Variants in TMEM50B observed in about 807,000 individuals in gnomAD.
The protein encoded by TMEM50B is transmembrane protein 50B.
A neutral mutation model predicts 23.4 loss-of-function variants in TMEM50B; 14 were observed. That is an observed-to-expected ratio of 0.60 (90% CI 0.39 to 0.93). The LOEUF (loss-of-function observed/expected upper bound fraction) is 0.93, where lower values mean the gene tolerates loss of function less well. Ranked by LOEUF, TMEM50B falls within the 40% of genes least tolerant of loss-of-function variation. The pLI is 0.00. For missense variants in TMEM50B, 159 were observed against 193.0 expected, an observed-to-expected ratio of 0.82 and a Z score of 1.04; for synonymous variants, 64 against 62.3, an observed-to-expected ratio of 1.03 and a Z score of -0.13.
intron 7 of TMEM50B, among the ~76,000 whole-genome samples, chr21:33,443,923 CAG>C (rs2123399917): frequency 6.6e-6 from 1 of 152,082 alleles, no homozygotes; most frequent in Admixed American, 6.5e-5. Flanking sequence ...TGTTTTTTTA[CAG>C]AGTTTCGCTC....
intron 4 of TMEM50B, among the ~76,000 whole-genome samples, chr21:33,464,188 T>G (rs1162559341): frequency 6.9e-6 from 1 of 144,700 alleles, no homozygotes; most frequent in Non-Finnish European, 1.5e-5. Flanking sequence ...TTCTTCATAT[T>G]ATAATGTAAA....
chr21:33,474,912 C>A (rs2084353989), intron 1 of TMEM50B, among the ~76,000 whole-genome samples: 1 of 146,796 alleles, frequency 6.8e-6, no homozygotes, highest in South Asian at 2.2e-4. Context: ...GAAAAAAATG[C>A]AAACATTTTG....
chr21:33,451,739 G>C (rs1385364647), intron 6 of TMEM50B, among the ~76,000 whole-genome samples: 1 of 152,108 alleles, frequency 6.6e-6, no homozygotes, highest in Non-Finnish European at 1.5e-5. Context: ...GGCCTGGAAA[G>C]GGACATCTGT....
intron 5 of TMEM50B, chr21:33,456,238 G>C: frequency 5.1e-6 from 2 of 390,534 alleles, no homozygotes; most frequent in Admixed American, 6.7e-5. Context: ...GCCCAGACTG[G>C]AGTGCAGCAG....
In TMEM50B at chr21:33,449,498, G is replaced by A. The variant is rs1410283170; in HGVS notation, c.*1320C>T. The A allele has an allele frequency of 6.6e-6, 1 of 152,472 alleles. No individual in the cohort carries two copies. The highest frequency in any genetic ancestry group is 2.4e-5 in the African/African-American group (1 of 41,396). 9.4% of individuals were successfully genotyped at this position (152,472 alleles called of 1,614,324 possible). Reference sequence around the variant, plus strand: ...AAAGGAAAGCAAAAGTAGCAATAAGGGCCCAGAGGAATACAAACAGTGCAA... The same window carrying A: ...AAAGGAAAGCAAAAGTAGCAATAAGAGCCCAGAGGAATACAAACAGTGCAA... On this transcript the variant is annotated 3_prime_UTR_variant, in exon 7 of 7. Coordinates refer to ENST00000542230, the MANE Select transcript of TMEM50B (RefSeq NM_006134.7).
chr21:33,440,042 T>A (rs1446377219), intron 7 of TMEM50B, among the ~76,000 whole-genome samples: 1 of 152,016 alleles, frequency 6.6e-6, no homozygotes, highest in East Asian at 1.9e-4. Flanking sequence ...CAAGACTCTG[T>A]CTCAAGAAAA....
At chr21:33,469,077 A>G (rs2084289512) in intron 1 of TMEM50B, among the ~76,000 whole-genome samples, 151 bp from the exon 2 acceptor site, 1 of 152,170 alleles carries the variant, frequency 6.6e-6, no homozygotes. Flanking sequence ...ACAAGTACCT[A>G]ATTGAGATGT....
At position 33,450,883 on chromosome 21, in the gene TMEM50B, A is replaced by C. The variant is rs924818130; in HGVS notation, c.432-20T>G. 9 of 1,609,216 alleles carry C rather than the reference A, an allele frequency of 5.6e-6. No homozygotes were observed. The African/African-American group carries it at 1.2e-4, about 22-fold the overall frequency. On this transcript the variant is annotated intron_variant, in intron 6 of 6. Coordinates refer to ENST00000542230, the MANE Select transcript of TMEM50B (RefSeq NM_006134.7). ...AGAGTGCTAGAAAGATAGGAAAACA[A>C]ATCATGAGGAAAAAACCGATGGAAC...
chr21:33,437,113 T>C (rs1482713642), intron 8 of TMEM50B: 6 of 659,068 alleles, frequency 9.1e-6, no homozygotes, highest in East Asian at 2.8e-5. Flanking sequence ...GCAGGTCTCA[T>C]GGGGGTGACA....
rs550329424 is a variant in TMEM50B at position 33,453,533 on chromosome 21, T to G, written c.431+2194A>C. 1.1e-4 allele frequency among the ~76,000 whole-genome samples: 17 copies of G among 152,152 alleles called. No individual in the cohort carries two copies. The East Asian group carries it at 3.3e-3, about 29-fold the overall frequency. ...TTGAAATCCCAGAGGGAGGGTGCAG[T>G]GGATACAAAAAATGCTTGAAGAAAT... On this transcript the variant is annotated intron_variant, in intron 6 of 6. Coordinates refer to ENST00000542230, the MANE Select transcript of TMEM50B (RefSeq NM_006134.7).
chr21:33,456,025 T>G, intron 5 of TMEM50B: 1 of 682,740 alleles, frequency 1.5e-6, no homozygotes, highest in African/African-American at 1.8e-5. Flanking sequence ...TTAGTCAAAG[T>G]AATTGCTGGT....
At chr21:33,445,023 C>G (rs921969207), downstream of TMEM50B, among the ~76,000 whole-genome samples, 1 of 147,602 alleles carries the variant, frequency 6.8e-6, no homozygotes, top group African/African-American at 2.5e-5. Flanking sequence ...ACTTGGAAGG[C>G]TGAGGTGGGA....
chr21:33,436,767 A>G, intron 8 of TMEM50B: 1 of 1,348,024 alleles, frequency 7.4e-7, no homozygotes, highest in Non-Finnish European at 1.0e-6. Context: ...AACTAAAGTT[A>G]AAAGGTCTGG....
intron 1 of TMEM50B, among the ~76,000 whole-genome samples, chr21:33,474,290 GCC>G (rs2084345903): frequency 6.6e-6 from 1 of 151,924 alleles, no homozygotes; most frequent in African/African-American, 2.4e-5. Flanking sequence ...GCCTGCCTCA[GCC>G]TCCCAAAATG....
At chr21:33,467,704 G>C (rs1384628922) in intron 2 of TMEM50B, among the ~76,000 whole-genome samples, 1 of 152,200 alleles carries the variant, frequency 6.6e-6, no homozygotes, top group East Asian at 1.9e-4. Context: ...GGAGGCTGAG[G>C]CACAAGAATT....
At chr21:33,478,236 G>A (rs1439830834) in intron 1 of TMEM50B, among the ~76,000 whole-genome samples, 1 of 151,988 alleles carries the variant, frequency 6.6e-6, no homozygotes, top group Non-Finnish European at 1.5e-5. Context: ...AGAGACCGAG[G>A]CAAGCGGATC....
At position 33,435,517 on chromosome 21, in the gene TMEM50B, G is replaced by A. The variant is rs180884517; in HGVS notation, c.*2121-2715C>T. Reference sequence around the variant, plus strand: ...TGAGTTTTGCCCTTTTAAACTCTCAGCATATTAACATGGTCAGCCCTGGGA... The same window carrying A: ...TGAGTTTTGCCCTTTTAAACTCTCAACATATTAACATGGTCAGCCCTGGGA... On this transcript the variant is annotated intron_variant and NMD_transcript_variant, in intron 8 of 8. Coordinates refer to the TMEM50B transcript ENST00000420455. 1.6e-3 allele frequency among the ~76,000 whole-genome samples: 246 copies of A among 152,268 alleles called. 4 individuals are homozygous for A. Among genetic ancestry groups the A allele is most frequent in the East Asian group, 1.5e-3 (8 of 5,188 alleles).
intron 8 of TMEM50B, among the ~76,000 whole-genome samples, chr21:33,435,513 C>T (rs1204153748): frequency 6.6e-6 from 1 of 152,146 alleles, no homozygotes; most frequent in Non-Finnish European, 1.5e-5. Context: ...CTTTTAAACT[C>T]TCAGCATATT....
intron 7 of TMEM50B, among the ~76,000 whole-genome samples, chr21:33,442,879 C>T (rs1456756837): frequency 1.3e-5 from 2 of 151,742 alleles, no homozygotes. Flanking sequence ...AAGATCGTGC[C>T]ACTGCACTCC....
Sources: gnomAD v4.1 joint callset for allele counts (sites outside exome capture counted in the v4.1 genomes callset) on GRCh38, gnomAD v4.1.1 for gene constraint, MANE v1.5 for transcripts, NCBI Gene and HGNC (gene_info 2026-07-23, HGNC 2026-07-21) for gene names.